The following RCBTB2 variants were observed in gnomAD, a reference collection of about 807,000 sequenced individuals.
RCBTB2 encodes the protein RCC1 and BTB domain-containing protein 2.
In RCBTB2, 55 loss-of-function variants were observed where a neutral mutation model predicts 65.4. That is an observed-to-expected ratio of 0.84 (90% confidence interval 0.68 to 1.05). The LOEUF is 1.05. Among genes scored for constraint, RCBTB2 ranks in the 50% least tolerant of loss-of-function variants. RCBTB2 has a pLI of 0.00. For synonymous variants in RCBTB2, 220 were observed against 255.2 expected, an observed-to-expected ratio of 0.86 and a Z score of 1.31; for missense variants, 599 against 680.1, an observed-to-expected ratio of 0.88 and a Z score of 1.33.
rs1213235186 is a variant in RCBTB2, at chr13:48,493,313, A to ACTCTCTCTCTCTCTCTCTCTCT, written c.1515+2877_1515+2878insAGAGAGAGAGAGAGAGAGAGAG. 1.2e-4 allele frequency among the ~76,000 whole-genome samples: 7 copies of ACTCTCTCTCTCTCTCTCTCTCT among 60,142 alleles called. No individual in the cohort carries two copies. In the East Asian group the frequency reaches 2.3e-3, roughly 20 times the overall value. The allele number at this position is 60,142 out of a possible 152,430, so 39.5% of individuals were successfully genotyped here. A position where few individuals can be genotyped will look rare whatever the true frequency, so the allele number is the denominator to read the frequency against. On this transcript the variant is annotated intron_variant, in intron 14 of 14. Transcript: ENST00000344532. ...TCCACACACACACACACACACACAC[A>ACTCTCTCTCTCTCTCTCTCTCT]CACTCTCTCTCTCTCTCTCTCTCTC...
Position 48,522,407 on chromosome 13 carries a change from G to GA in RCBTB2, c.-119-5dup, listed in dbSNP as rs558867557. The GA allele has an allele frequency of 0.015, 13,875 of 953,518 alleles. 37 individuals carry two copies. Among genetic ancestry groups the GA allele is most frequent in the African/African-American group, 0.04 (2,286 of 57,264 alleles). 59.1% of individuals were successfully genotyped at this position (953,518 alleles called of 1,614,324 possible). ...GAAGAATATATGATTTGCTAAGCTG[G>GA]AAAAAAAAAAGGAGAAATGAATGAA... On this transcript the variant is annotated splice_polypyrimidine_tract_variant and splice_region_variant and intron_variant, in intron 2 of 14. Transcript: ENST00000344532.
chr13:48,493,831 T>C (rs1426669195), intron 14 of RCBTB2, among the ~76,000 whole-genome samples: 1 of 152,160 alleles, frequency 6.6e-6, no homozygotes, highest in African/African-American at 2.4e-5. Context: ...ATTGATCACC[T>C]ATCTCCCCTC....
At chr13:48,502,599 A>G in intron 11 of RCBTB2, 125 bp downstream of exon 11, 1 of 923,098 alleles carries the variant, frequency 1.1e-6, no homozygotes, top group Non-Finnish European at 1.6e-6. Context: ...TCCCTTTTGT[A>G]GAAGCCCATC....
chr13:48,493,311 A>ACTCTCT (rs773819158), intron 14 of RCBTB2, among the ~76,000 whole-genome samples: 183 of 57,380 alleles, frequency 3.2e-3, no homozygotes, highest in East Asian at 7.3e-3. Flanking sequence ...ACACACACAC[A>ACTCTCT]CACACTCTCT....
chr13:48,510,798 C>T (rs1950746378), intron 9 of RCBTB2, 27 bp from the exon 10 acceptor site: 2 of 1,587,540 alleles, frequency 1.3e-6, no homozygotes, highest in East Asian at 4.5e-5. Flanking sequence ...CCACTCAGGA[C>T]TGCAAATATA....
intron 10 of RCBTB2, among the ~76,000 whole-genome samples, chr13:48,503,133 A>G (rs1950321940): frequency 6.6e-6 from 1 of 152,344 alleles, no homozygotes; most frequent in African/African-American, 2.4e-5. Flanking sequence ...CCACACTTCA[A>G]TGGCACTTAT....
rs371775666 is a variant in RCBTB2 at position 48,490,209 on chromosome 13, T to A, written c.1558A>T (p.Thr520Ser). The A allele has an allele frequency of 3.0e-5, 49 of 1,613,630 alleles. No individual in the cohort carries two copies. Among genetic ancestry groups the A allele is most frequent in the African/African-American group, 4.0e-5 (3 of 74,910 alleles). ...FCFRFCINHL[T>S]VVTQTSGFAE... The stretch of plus-strand genomic sequence containing the variant: ...AAACCTGATGTTTGTGTTACTACAG[T>A]CAGATGGTTTATGCAAAACCTGAAG... Residue 520 changes from threonine (T) to serine (S), a missense_variant, in exon 15 of 15, where the codon ACT (threonine) becomes TCT (serine). By Grantham distance (58) the Thr-to-Ser change is moderately conservative. Transcript: ENST00000344532.
At chr13:48,511,726 C>A (rs756124628) in intron 9 of RCBTB2, 44 bp downstream of exon 9, 1 of 1,520,334 alleles carries the variant, frequency 6.6e-7, no homozygotes, top group Admixed American at 1.9e-5. Flanking sequence ...TCTTTGCCAG[C>A]GAAGACTTAA....
chr13:48,505,641 T>C (rs1950462921), intron 10 of RCBTB2, among the ~76,000 whole-genome samples: 2 of 152,210 alleles, frequency 1.3e-5, no homozygotes, highest in African/African-American at 4.8e-5. Context: ...AATGTGAGGA[T>C]AGCGACATGG....
At chr13:48,504,760 C>G (rs1037334684) in intron 10 of RCBTB2, among the ~76,000 whole-genome samples, 9 of 152,356 alleles carry the variant, frequency 5.9e-5, no homozygotes, top group Middle Eastern at 6.8e-3. Context: ...TAAGACCCCA[C>G]TGACACGGGC....
chr13:48,499,552 G>T, intron 13 of RCBTB2, 69 bp downstream of exon 13: 2 of 1,502,056 alleles, frequency 1.3e-6, no homozygotes, highest in Non-Finnish European at 1.8e-6. Context: ...CTTTCTTTTA[G>T]GTTCTATAGA....
At chr13:48,533,165 C>A, upstream of RCBTB2, 1 of 375,754 alleles carries the variant, frequency 2.7e-6, no homozygotes, top group South Asian at 1.9e-5. Flanking sequence ...GGTGCCCGGC[C>A]GAGACGGAAA....
rs757931716 is a variant in RCBTB2, at chr13:48,502,875, A to T, written c.966T>A (p.Ser322=). The T allele has an allele frequency of 1.9e-6, 3 of 1,614,142 alleles. No individual in the cohort carries two copies. The highest frequency in any genetic ancestry group is 2.5e-6 in the Non-Finnish European group (3 of 1,179,994). The stretch of plus-strand genomic sequence containing the variant: ...CGTGCCCACCCTGCGTCTTGGCCGC[A>T]GACGTGTGTGTGGAGTGACAGGCTG... ...EIAACHSTHT[S]AAKTQGGHVY... Residue 322 remains serine (S), a synonymous_variant, in exon 11 of 15, where the codon TCT becomes TCA. Transcript: ENST00000344532.
At chr13:48,526,183 C>G (rs1312037211) in intron 1 of RCBTB2, among the ~76,000 whole-genome samples, 2 of 152,082 alleles carry the variant, frequency 1.3e-5, no homozygotes, top group East Asian at 3.8e-4. Context: ...CATGGAAATT[C>G]AATAAACGTT....
intron 4 of RCBTB2, among the ~76,000 whole-genome samples, chr13:48,520,907 T>G (rs1178629621): frequency 7.1e-6 from 1 of 141,568 alleles, no homozygotes; most frequent in Non-Finnish European, 1.5e-5. Context: ...ACACTTCATA[T>G]ATATTCATTA....
intron 10 of RCBTB2, among the ~76,000 whole-genome samples, chr13:48,505,212 G>A (rs949760567): frequency 6.6e-6 from 1 of 152,198 alleles, no homozygotes; most frequent in African/African-American, 2.4e-5. Flanking sequence ...CAAGGGTGGT[G>A]TGAGAATCAA....
Position 48,504,344 on chromosome 13 carries a change from C to T in RCBTB2, c.927-1430G>A, listed in dbSNP as rs561223304. 79 of 985,414 alleles carry T rather than the reference C, an allele frequency of 8.0e-5. No homozygotes were observed. The African/African-American group carries it at 8.4e-4, about 10-fold the overall frequency. The allele number at this position is 985,414 out of a possible 1,614,324, so 61.0% of individuals were successfully genotyped here. On this transcript the variant is annotated intron_variant, in intron 10 of 14. Coordinates refer to ENST00000344532, the MANE Select transcript of RCBTB2 (RefSeq NM_001268.4). The stretch of plus-strand genomic sequence containing the variant: ...AGACATAACTCCATCCATGATTTGG[C>T]GTCACCTCTGTACAGACATCTCACA...
chr13:48,508,635 C>A (rs1950623118), intron 10 of RCBTB2, among the ~76,000 whole-genome samples: 1 of 152,148 alleles, frequency 6.6e-6, no homozygotes, highest in South Asian at 2.1e-4. Flanking sequence ...AACTCCTGAC[C>A]TCAGGTGATC....
intron 3 of RCBTB2, 101 bp downstream of exon 3, chr13:48,522,206 AG>A (rs1951466818): frequency 7.4e-6 from 6 of 814,818 alleles, no homozygotes; most frequent in African/African-American, 1.7e-5. Context: ...CTGAAAAAGT[AG>A]TCTCAAAATT....
Sources: gnomAD v4.1 joint callset for allele counts (sites outside exome capture counted in the v4.1 genomes callset) on GRCh38, gnomAD v4.1.1 for gene constraint, MANE v1.5 for transcripts, NCBI Gene and HGNC (gene_info 2026-07-23, HGNC 2026-07-21) for gene names.